The following CSMD1 variants were observed in gnomAD, a reference collection of about 807,000 sequenced individuals.
CSMD1 encodes the protein CUB and sushi domain-containing protein 1.
CSMD1 carries 213 observed loss-of-function variants against 417.5 expected under a neutral mutation model. That is an observed-to-expected ratio of 0.51 (90% CI 0.46 to 0.57). The LOEUF (loss-of-function observed/expected upper bound fraction) is 0.57. CSMD1 is among the 20% of genes least tolerant of loss of function. CSMD1 has a pLI of 0.00. For missense variants in CSMD1, 6,923 were observed against 4,529.7 expected, an observed-to-expected ratio of 1.53 and a Z score of -15.17; for synonymous variants, 2,862 against 1,736.8, an observed-to-expected ratio of 1.65 and a Z score of -16.11.
chr8:3,121,825 A>G (rs1030894302), intron 41 of CSMD1, among the ~76,000 whole-genome samples: 2 of 152,128 alleles, frequency 1.3e-5, no homozygotes, highest in African/African-American at 4.8e-5. Context: ...CAAACAAACA[A>G]AAAACAGATA....
At position 4,024,680 on chromosome 8, in the gene CSMD1, A is replaced by G. The variant is rs76647767; in HGVS notation, c.610+7225T>C. Among the ~76,000 whole-genome samples, 1,065 of 152,276 alleles carry G rather than the reference A, an allele frequency of 7.0e-3. 55 individuals carry two copies. The East Asian group carries it at 0.14, about 20-fold the overall frequency. On this transcript the variant is annotated intron_variant, in intron 4 of 69. Coordinates refer to ENST00000635120, the MANE Select transcript of CSMD1 (RefSeq NM_033225.6). ...CATATTGCCAAGGAGACACTGCATA[A>G]ATGTGACTTGTGGATACCTTCCTAT...
chr8:2,974,308 TGGC>T, intron 56 of CSMD1, 140 bp downstream of exon 56: 2 of 707,372 alleles, frequency 2.8e-6, no homozygotes, highest in Non-Finnish European at 4.4e-6. Context: ...GCGGCGTATT[TGGC>T]TAGAAATGCA....
At chr8:4,943,147 T>G (rs180923265) in intron 1 of CSMD1, among the ~76,000 whole-genome samples, 1 of 152,192 alleles carries the variant, frequency 6.6e-6, no homozygotes, top group Non-Finnish European at 1.5e-5. Flanking sequence ...TCACTTCTAA[T>G]CAGTTAGTAA....
intron 8 of CSMD1, among the ~76,000 whole-genome samples, chr8:3,613,732 CA>C (rs1563200131): frequency 1.2e-4 from 16 of 138,844 alleles, no homozygotes; most frequent in Admixed American, 2.2e-4. Flanking sequence ...CACACACACA[CA>C]CACACCTCAA....
At chr8:4,505,941 G>T (rs1802502508) in intron 2 of CSMD1, among the ~76,000 whole-genome samples, 1 of 152,044 alleles carries the variant, frequency 6.6e-6, no homozygotes, top group South Asian at 2.1e-4. Context: ...TGGGATTACA[G>T]GTGCATGTCA....
chr8:3,117,543 T>C (rs1816942977), intron 42 of CSMD1, among the ~76,000 whole-genome samples: 1 of 152,148 alleles, frequency 6.6e-6, no homozygotes. Context: ...CATTCAAAGG[T>C]CCTGTATGTA....
At chr8:4,731,978 G>T (rs1244364585) in intron 1 of CSMD1, among the ~76,000 whole-genome samples, 1 of 152,104 alleles carries the variant, frequency 6.6e-6, no homozygotes. Context: ...GAATGCCAGC[G>T]TTATGAGAAG....
At chr8:4,168,947 C>T (rs1314411721) in intron 3 of CSMD1, among the ~76,000 whole-genome samples, 1 of 152,118 alleles carries the variant, frequency 6.6e-6, no homozygotes, top group Admixed American at 6.6e-5. Flanking sequence ...CTTTGAGGTA[C>T]CTGATCATCT....
chr8:4,497,572 G>A (rs1212413900), intron 2 of CSMD1, among the ~76,000 whole-genome samples: 1 of 152,188 alleles, frequency 6.6e-6, no homozygotes, highest in African/African-American at 2.4e-5. Context: ...ACGGATGAGT[G>A]GAGTACACAT....
At chr8:3,677,852 C>G (rs567694217) in intron 7 of CSMD1, among the ~76,000 whole-genome samples, 3 of 152,192 alleles carry the variant, frequency 2.0e-5, no homozygotes, top group East Asian at 3.9e-4. Flanking sequence ...TAACTCTAAA[C>G]CCCCTTGCTG....
At chr8:4,651,102 C>A (rs1803863852) in intron 1 of CSMD1, among the ~76,000 whole-genome samples, 1 of 151,930 alleles carries the variant, frequency 6.6e-6, no homozygotes, top group African/African-American at 2.4e-5. Context: ...AACATGATGC[C>A]AAGCGAATGG....
intron 2 of CSMD1, among the ~76,000 whole-genome samples, chr8:4,610,072 T>G (rs1801083799): frequency 6.6e-6 from 1 of 152,136 alleles, no homozygotes; most frequent in Non-Finnish European, 1.5e-5. Context: ...AAATTCTTGC[T>G]ATAAGGATGC....
intron 7 of CSMD1, among the ~76,000 whole-genome samples, chr8:3,703,543 T>C (rs982279372): frequency 6.6e-6 from 1 of 152,070 alleles, no homozygotes; most frequent in Non-Finnish European, 1.5e-5. Context: ...GTATGGTGTG[T>C]GATCTGTGGG....
intron 1 of CSMD1, among the ~76,000 whole-genome samples, chr8:4,858,323 A>G (rs552607926): frequency 7.0e-4 from 107 of 151,896 alleles, no homozygotes; most frequent in African/African-American, 2.5e-3. Flanking sequence ...GAATGGGCAA[A>G]AACTGGAAGC....
chr8:3,368,070 T>G (rs1425421331), intron 19 of CSMD1, among the ~76,000 whole-genome samples: 9 of 152,194 alleles, frequency 5.9e-5, no homozygotes, highest in Non-Finnish European at 1.2e-4. Flanking sequence ...ATTCCTATAG[T>G]GAAATTAATA....
At chr8:3,284,066 A>T in intron 26 of CSMD1, 78 bp downstream of exon 26, 6 of 1,167,244 alleles carry the variant, frequency 5.1e-6, no homozygotes, top group Non-Finnish European at 7.5e-6. Context: ...GACGCTGGTG[A>T]ATATAAATGG....
chr8:4,401,841 C>T (rs777582871), intron 3 of CSMD1, among the ~76,000 whole-genome samples: 10 of 152,118 alleles, frequency 6.6e-5, no homozygotes, highest in Non-Finnish European at 8.8e-5. Flanking sequence ...TGCTCATCAT[C>T]ATTTCCTGAC....
intron 3 of CSMD1, among the ~76,000 whole-genome samples, chr8:4,103,656 G>A (rs558054841): frequency 6.6e-6 from 1 of 152,026 alleles, no homozygotes; most frequent in African/African-American, 2.4e-5. Context: ...TTAGGTATCT[G>A]ATATGCCACA....
At chr8:4,650,061 G>C (rs1422091753) in intron 1 of CSMD1, among the ~76,000 whole-genome samples, 2 of 152,144 alleles carry the variant, frequency 1.3e-5, no homozygotes, top group South Asian at 2.1e-4. Flanking sequence ...TGAATATGTA[G>C]AAGACACCAA....
Sources: gnomAD v4.1 joint callset for allele counts (sites outside exome capture counted in the v4.1 genomes callset) on GRCh38, gnomAD v4.1.1 for gene constraint, MANE v1.5 for transcripts, NCBI Gene and HGNC (gene_info 2026-07-23, HGNC 2026-07-21) for gene names.